Variants in ETV3 observed in about 807,000 individuals in gnomAD.
ETV3 encodes the protein ETS variant transcription factor 3, also known as ETS translocation variant 3.
In ETV3, 8 loss-of-function variants were observed where a neutral mutation model predicts 33.0. That is an observed-to-expected ratio of 0.24 (90% confidence interval 0.14 to 0.44). The LOEUF (loss-of-function observed/expected upper bound fraction) is 0.44. Among genes scored for constraint, ETV3 ranks in the 20% least tolerant of loss-of-function variants. ETV3 has a pLI of 1.00. For synonymous variants in ETV3, 222 were observed against 238.9 expected (o/e 0.93, Z 0.65); for missense variants, 473 against 652.3 (o/e 0.73, Z 2.99).
At chr1:157,132,213 GT>G (rs1674984271) in intron 4 of ETV3, among the ~76,000 whole-genome samples, 1 of 152,240 alleles carries the variant, frequency 6.6e-6, no homozygotes, top group Non-Finnish European at 1.5e-5. Flanking sequence ...CTCCCAAAGT[GT>G]TGGGATTATA....
rs1674744932 is a variant in ETV3 at position 157,123,238 on chromosome 1, T to C, written c.*1603A>G. Reference sequence around the variant, plus strand: ...GATCTGAGCCACAGTCAGGTACCAATGTACACGACATAGGCACATGTGCAA... The same window carrying C: ...GATCTGAGCCACAGTCAGGTACCAACGTACACGACATAGGCACATGTGCAA... On this transcript the variant is annotated 3_prime_UTR_variant, in exon 5 of 5. Transcript: ENST00000368192. 1 of 152,212 alleles carries C rather than the reference T, an allele frequency of 6.6e-6. No homozygotes were observed. The highest frequency in any genetic ancestry group is 2.4e-5 in the African/African-American group (1 of 41,440). 9.4% of individuals were successfully genotyped at this position (152,212 alleles called of 1,614,324 possible). A position where few individuals can be genotyped will look rare whatever the true frequency, so the allele number is the denominator to read the frequency against.
intron 4 of ETV3, among the ~76,000 whole-genome samples, chr1:157,132,365 TCA>T (rs1427951664): frequency 1.3e-5 from 2 of 152,202 alleles, no homozygotes; most frequent in African/African-American, 4.8e-5. Flanking sequence ...ATCAGATTCT[TCA>T]CAGAGTGAGG....
intron 1 of ETV3, 93 bp from the exon 2 acceptor site, chr1:157,136,458 C>A (rs1451735876): frequency 4.3e-6 from 5 of 1,150,808 alleles, no homozygotes; most frequent in African/African-American, 3.2e-5. Flanking sequence ...AACTTCCTTT[C>A]CCCTGTTCTT....
chr1:157,137,566 A>AT (rs1350750019), intron 1 of ETV3, among the ~76,000 whole-genome samples: 1 of 151,314 alleles, frequency 6.6e-6, no homozygotes, highest in Non-Finnish European at 1.5e-5. Flanking sequence ...GAGATACATA[A>AT]TAACGAGGCA....
At chr1:157,135,412 C>T (rs2103207687) in intron 3 of ETV3, 59 bp downstream of exon 3, 1 of 1,588,260 alleles carries the variant, frequency 6.3e-7, no homozygotes, top group Non-Finnish European at 8.6e-7. Context: ...CTAGCATTCA[C>T]CAAACAGCTT....
At chr1:157,128,988 T>C (rs914563528) in intron 4 of ETV3, among the ~76,000 whole-genome samples, 4 of 152,370 alleles carry the variant, frequency 2.6e-5, no homozygotes, top group East Asian at 3.9e-4. Flanking sequence ...TAATGGAGAA[T>C]GGTTTTATAT....
At chr1:157,132,326 G>A (rs1674986855) in intron 4 of ETV3, among the ~76,000 whole-genome samples, 1 of 152,214 alleles carries the variant, frequency 6.6e-6, no homozygotes, top group Admixed American at 6.5e-5. Flanking sequence ...CAGAACAGGT[G>A]TGCTGGGCCA....
chr1:157,130,299 C>T (rs1674939715), intron 4 of ETV3, among the ~76,000 whole-genome samples: 1 of 152,162 alleles, frequency 6.6e-6, no homozygotes, highest in Non-Finnish European at 1.5e-5. Context: ...TACTGGGAAG[C>T]ATTGCTTCTA....
rs943254592 is a variant in ETV3 at position 157,124,533 on chromosome 1, A to C, written c.*308T>G. ...GAACCTGACTATCATGGGACCAAAA[A>C]GTATCTTGGCCCTTTGGGAGTTTCC... On this transcript the variant is annotated 3_prime_UTR_variant, in exon 5 of 5. Transcript: ENST00000368192. The C allele has an allele frequency of 1.2e-5, 3 of 240,038 alleles. No homozygotes were observed. Among genetic ancestry groups the C allele is most frequent in the African/African-American group, 6.8e-5 (3 of 44,390 alleles). 14.9% of individuals were successfully genotyped at this position (240,038 alleles called of 1,614,324 possible).
Position 157,135,722 on chromosome 1 carries a change from A to AGGTC in ETV3, c.47-18_47-15dup. On this transcript the variant is annotated splice_polypyrimidine_tract_variant and intron_variant, in intron 2 of 4. Transcript: ENST00000368192. ...GAAACTGATACCCTTTCATGTGAGA[A>AGGTC]GGTCAAGATTAAGCTAGTTAAGAGG... 1 of 1,613,476 alleles carries AGGTC rather than the reference A, an allele frequency of 6.2e-7. No homozygotes were observed.
chr1:157,128,151 C>T (rs946940316), intron 4 of ETV3, among the ~76,000 whole-genome samples: 2 of 152,110 alleles, frequency 1.3e-5, no homozygotes, highest in African/African-American at 4.8e-5. Context: ...GTCTAGCAGA[C>T]TCTGGAGTCT....
At chr1:157,137,979 G>T (rs150112114) in intron 1 of ETV3, among the ~76,000 whole-genome samples, 150 of 152,298 alleles carry the variant, frequency 9.8e-4, no homozygotes, top group African/African-American at 3.3e-3. Flanking sequence ...CCCGAAGAGT[G>T]AGGCATGCAC....
intron 4 of ETV3, among the ~76,000 whole-genome samples, chr1:157,130,433 G>C (rs1420840762): frequency 6.6e-6 from 1 of 152,176 alleles, no homozygotes; most frequent in Non-Finnish European, 1.5e-5. Context: ...GAATACCATT[G>C]CTTTAGAAGT....
At chr1:157,133,641 G>A (rs1294969503) in intron 4 of ETV3, 2 of 988,202 alleles carry the variant, frequency 2.0e-6, no homozygotes, top group East Asian at 1.1e-4. Flanking sequence ...CTGCAAACAT[G>A]TGAACCTCCC....
rs1397008330 is a variant in ETV3 at position 157,124,260 on chromosome 1, AGAAG to A, written c.*577_*580del. The A allele has an allele frequency of 1.9e-5, 2 of 107,234 alleles. No individual in the cohort carries two copies. The highest frequency in any genetic ancestry group is 6.9e-5 in the African/African-American group (2 of 29,058). The allele number at this position is 107,234 out of a possible 1,614,324, so 6.6% of individuals were successfully genotyped here. A position where few individuals can be genotyped will look rare whatever the true frequency, so the allele number is the denominator to read the frequency against. On this transcript the variant is annotated 3_prime_UTR_variant, in exon 5 of 5. Transcript: ENST00000368192. The stretch of plus-strand genomic sequence containing the variant: ...AACCAAAAAAAAAAAAAAAAAAAAA[AGAAG>A]GAAGAAGAAAAAGAGCAACATCCAA...
At position 157,125,529 on chromosome 1, in the gene ETV3, G is replaced by A; in HGVS notation, c.851C>T (p.Pro284Leu). Residue 284 changes from proline (P) to leucine (L), a missense_variant, in exon 5 of 5, where the codon CCT becomes CTT. By Grantham distance (98) the Pro-to-Leu change is moderately conservative (BLOSUM62 -3). Coordinates refer to ENST00000368192, the MANE Select transcript of ETV3 (RefSeq NM_001145312.3). This position sits in a 1 kb window ranked among gnomAD's most constrained non-coding sequence, Gnocchi z 4.0. ...GGAGAAGCAGCTGCTGCTGGTGAAA[G>A]GGCTCAGGCCTGGTGATGGGCTATA... ...FSYSPSPGLS[P>L]FTSSSCFSFN... 6.4e-7 allele frequency: 1 copy of A among 1,552,120 alleles called. No homozygotes were observed. Among genetic ancestry groups the A allele is most frequent in the Non-Finnish European group, 8.7e-7 (1 of 1,147,074 alleles).
At chr1:157,133,765 G>C in intron 4 of ETV3, 1 of 1,032,188 alleles carries the variant, frequency 9.7e-7, no homozygotes, top group African/African-American at 1.7e-5. Flanking sequence ...ATCTATGAAA[G>C]AACCACTGGG....
chr1:157,125,883 G>A lies in ETV3; in HGVS notation c.497C>T (p.Pro166Leu), dbSNP rs1041008780. The change falls in exon 5 of 5, where the codon CCG becomes CTG. Residue 166 changes from proline (P) to leucine (L), a missense_variant. By Grantham distance (98) the Pro-to-Leu change is moderately conservative (BLOSUM62 -3). Around this residue, in one of 3 missense-constraint regions of ETV3, gnomAD observed 410 missense variants for 520.2 expected, o/e 0.79. Coordinates refer to ENST00000368192, the MANE Select transcript of ETV3 (RefSeq NM_001145312.3). This position sits in a 1 kb window ranked among gnomAD's most constrained non-coding sequence, Gnocchi z 4.0. Reference protein sequence around the residue: ...DTHSPTNDVQPGRFSASSLTA... With the variant: ...DTHSPTNDVQLGRFSASSLTA... ...TAGGGAGCTAGCAGAGAACCGTCCC[G>A]GCTGCACATCATTGGTTGGAGAATG... is the stretch of plus-strand genomic sequence containing the variant. 3.2e-5 allele frequency: 50 copies of A among 1,551,602 alleles called. No individual in the cohort carries two copies. The highest frequency in any genetic ancestry group is 5.9e-5 in the Admixed American group (3 of 50,982).
intron 4 of ETV3, among the ~76,000 whole-genome samples, chr1:157,131,889 T>C (rs1037875452): frequency 6.6e-6 from 1 of 152,238 alleles, no homozygotes; most frequent in Admixed American, 6.5e-5. Context: ...ACCAGTTCTT[T>C]GCAGTTGTCT....
Sources: allele counts gnomAD v4.1 joint callset (sites outside exome capture counted in the v4.1 genomes callset), GRCh38; gene constraint gnomAD v4.1.1; regional missense constraint gnomAD v4.1.1; non-coding constraint Gnocchi (gnomAD v3.1); transcripts MANE v1.5; gene names NCBI Gene and HGNC (gene_info 2026-07-23, HGNC 2026-07-21).